The following IMMP2L variants were observed in gnomAD, a reference collection of about 807,000 sequenced individuals.
IMMP2L encodes the protein mitochondrial inner membrane protease subunit 2.
A neutral mutation model predicts 19.3 loss-of-function variants in IMMP2L; 18 were observed. That is an observed-to-expected ratio of 0.93 (90% CI 0.64 to 1.38). The LOEUF (loss-of-function observed/expected upper bound fraction) is 1.38. Ranked by LOEUF, IMMP2L falls within the 40% of genes most tolerant of loss-of-function variation. The probability of loss-of-function intolerance (pLI) is 0.00; values close to 1 mark genes in which losing one functional copy is unlikely to be tolerated. For synonymous variants in IMMP2L, 76 were observed against 73.0 expected, an observed-to-expected ratio of 1.04 and a Z score of -0.21; for missense variants, 233 against 218.2, an observed-to-expected ratio of 1.07 and a Z score of -0.43.
At chr7:110,745,018 G>T (rs192213702) in intron 5 of IMMP2L, among the ~76,000 whole-genome samples, 2 of 152,130 alleles carry the variant, frequency 1.3e-5, no homozygotes, top group Non-Finnish European at 2.9e-5. Flanking sequence ...AAGGTTAAAC[G>T]AATTGCTAAC....
chr7:111,435,808 G>A (rs141059950), intron 3 of IMMP2L, among the ~76,000 whole-genome samples: 1 of 151,922 alleles, frequency 6.6e-6, no homozygotes, highest in East Asian at 1.9e-4. Context: ...CTTTCATTTA[G>A]TTAGATCCAC....
chr7:111,012,859 T>G (rs1181668488), intron 3 of IMMP2L, among the ~76,000 whole-genome samples: 8 of 152,178 alleles, frequency 5.3e-5, no homozygotes, highest in South Asian at 2.1e-4. Flanking sequence ...TCAAGCTTGT[T>G]GGGAGTTAGA....
In IMMP2L at chr7:110,801,258, TC is replaced by T. The variant is rs534038356; in HGVS notation, c.408+85334del. Among the ~76,000 whole-genome samples the T allele has an allele frequency of 8.5e-5, 13 of 152,234 alleles. No individual in the cohort carries two copies. The South Asian group carries it at 2.7e-3, about 32-fold the overall frequency. ...GTTATTTACTTAGCTGCTGTAGTTGTCCCTTTAGAGGCATGTTGCTGTTTGA... is the reference window on the plus strand; with the variant it reads ...GTTATTTACTTAGCTGCTGTAGTTGTCCTTTAGAGGCATGTTGCTGTTTGA... On this transcript the variant is annotated intron_variant, in intron 5 of 5. Coordinates refer to ENST00000405709, the MANE Select transcript of IMMP2L (RefSeq NM_032549.4).
chr7:111,177,530 T>C (rs181529268), intron 3 of IMMP2L, among the ~76,000 whole-genome samples: 3 of 152,158 alleles, frequency 2.0e-5, no homozygotes, highest in African/African-American at 4.8e-5. Context: ...TTCTCTCTTA[T>C]AATGATTAAA....
chr7:111,468,460 T>C (rs1353619215), intron 3 of IMMP2L, among the ~76,000 whole-genome samples: 2 of 152,114 alleles, frequency 1.3e-5, no homozygotes, highest in Admixed American at 6.6e-5. Context: ...TTTCTCCCAG[T>C]AGCCATCAAG....
chr7:111,168,508 A>G (rs1476560), intron 3 of IMMP2L, among the ~76,000 whole-genome samples: 136,982 of 151,826 alleles, frequency 0.9, 62,274 homozygotes, highest in Non-Finnish European at 0.96. Flanking sequence ...TTGCTGCTAA[A>G]CCAGTTTATA....
At chr7:110,675,900 T>C (rs1792262575) in intron 5 of IMMP2L, among the ~76,000 whole-genome samples, 1 of 152,206 alleles carries the variant, frequency 6.6e-6, no homozygotes, top group Non-Finnish European at 1.5e-5. Flanking sequence ...TCATCCTACT[T>C]ATGTGTCATC....
chr7:111,418,637 C>T (rs1003736527), intron 3 of IMMP2L, among the ~76,000 whole-genome samples: 1 of 151,746 alleles, frequency 6.6e-6, no homozygotes, highest in Admixed American at 6.6e-5. Context: ...AATACATTTA[C>T]AGTCATGGTT....
chr7:111,438,615 G>T (rs370584632), intron 3 of IMMP2L, among the ~76,000 whole-genome samples: 2 of 151,864 alleles, frequency 1.3e-5, no homozygotes, highest in East Asian at 1.9e-4. Context: ...TAGAAGAAAT[G>T]ATAATGAAAT....
chr7:110,785,958 AG>A (rs1372362644), intron 5 of IMMP2L, among the ~76,000 whole-genome samples: 1 of 151,868 alleles, frequency 6.6e-6, no homozygotes, highest in South Asian at 2.1e-4. Flanking sequence ...GGCTATCTTA[AG>A]GATCTTTCGT....
intron 5 of IMMP2L, among the ~76,000 whole-genome samples, chr7:110,836,358 T>C (rs1804473131): frequency 6.6e-6 from 1 of 152,164 alleles, no homozygotes. Context: ...ATCTGGAATT[T>C]CCATGTGTTG....
At chr7:111,192,751 G>A (rs961615885) in intron 3 of IMMP2L, among the ~76,000 whole-genome samples, 4 of 152,042 alleles carry the variant, frequency 2.6e-5, no homozygotes, top group Admixed American at 2.6e-4. Flanking sequence ...CCAAGAGAGT[G>A]CAAAGTACAC....
At position 110,902,479 on chromosome 7, in the gene IMMP2L, A is replaced by AATATATAT. The variant is rs67367468; in HGVS notation, c.306-15792_306-15785dup. Among the ~76,000 whole-genome samples the AATATATAT allele has an allele frequency of 7.8e-3, 1,101 of 140,504 alleles. 14 individuals carry two copies. The highest frequency in any genetic ancestry group is 0.028 in the African/African-American group (1,041 of 36,976). The allele number at this position is 140,504 out of a possible 152,430, so 92.2% of individuals were successfully genotyped here. ...AATATAAATATGTCATGAATGATAAAATATATATATATATATATATATAGT... is the reference window on the plus strand; with the variant it reads ...AATATAAATATGTCATGAATGATAAAATATATATATATATATATATATATATATATAGT... On this transcript the variant is annotated intron_variant, in intron 4 of 5. Transcript: ENST00000405709.
chr7:110,928,428 A>G (rs549069231), intron 4 of IMMP2L, among the ~76,000 whole-genome samples: 266 of 148,078 alleles, frequency 1.8e-3, no homozygotes, highest in Non-Finnish European at 3.3e-3. Context: ...ATATCTGGTT[A>G]AGTAAGAGGA....
At chr7:111,331,096 G>T (rs536655309) in intron 3 of IMMP2L, among the ~76,000 whole-genome samples, 2 of 151,972 alleles carry the variant, frequency 1.3e-5, no homozygotes, top group South Asian at 2.1e-4. Flanking sequence ...TAAAAGATTT[G>T]AAATCAGTTT....
At chr7:111,392,184 T>C (rs1832422727) in intron 3 of IMMP2L, among the ~76,000 whole-genome samples, 2 of 152,134 alleles carry the variant, frequency 1.3e-5, no homozygotes, top group African/African-American at 4.8e-5. Flanking sequence ...ATTTCCAATC[T>C]TTTAAGCACC....
At chr7:110,745,078 A>T (rs1318318816) in intron 5 of IMMP2L, among the ~76,000 whole-genome samples, 1 of 152,220 alleles carries the variant, frequency 6.6e-6, no homozygotes, top group African/African-American at 2.4e-5. Flanking sequence ...GGGCTGAAAA[A>T]CATAGTACGA....
At chr7:111,070,209 T>C (rs1794836017) in intron 3 of IMMP2L, among the ~76,000 whole-genome samples, 1 of 152,132 alleles carries the variant, frequency 6.6e-6, no homozygotes, top group Non-Finnish European at 1.5e-5. Context: ...ATAAATTCAA[T>C]TGGAAAAAAT....
intron 1 of IMMP2L, among the ~76,000 whole-genome samples, chr7:111,550,026 AAC>A (rs1295404603): frequency 2.0e-5 from 3 of 152,112 alleles, no homozygotes; most frequent in Non-Finnish European, 2.9e-5. Flanking sequence ...CTCACATAAT[AAC>A]AGTGCTAAAT....
Sources: allele counts gnomAD v4.1 joint callset (sites outside exome capture counted in the v4.1 genomes callset), GRCh38; gene constraint gnomAD v4.1.1; transcripts MANE v1.5; gene names NCBI Gene and HGNC (gene_info 2026-07-23, HGNC 2026-07-21).